Variants in PLCB1 observed in about 807,000 individuals in gnomAD.
PLCB1 encodes the protein phospholipase C beta 1.
A neutral mutation model predicts 161.8 loss-of-function variants in PLCB1; 46 were observed. The ratio of observed to expected loss-of-function variants is 0.28; its 90% CI spans 0.22 to 0.36. The LOEUF is 0.36. PLCB1 is among the 10% of genes least tolerant of loss of function. PLCB1 has a pLI of 1.00. For missense variants in PLCB1, 1,016 were observed against 1,472.5 expected, an observed-to-expected ratio of 0.69 and a Z score of 5.07; for synonymous variants, 517 against 503.7, an observed-to-expected ratio of 1.03 and a Z score of -0.35.
chr20:8,788,293 T>G (rs1190523471), intron 27 of PLCB1, among the ~76,000 whole-genome samples, 156 bp from the exon 28 acceptor site: 2 of 152,242 alleles, frequency 1.3e-5, no homozygotes, highest in African/African-American at 4.8e-5. Context: ...GGTTCTAAAT[T>G]GTCCTCATTG....
intron 9 of PLCB1, among the ~76,000 whole-genome samples, chr20:8,673,164 T>G (rs1342164367): frequency 6.6e-6 from 1 of 151,216 alleles, no homozygotes; most frequent in Non-Finnish European, 1.5e-5. Context: ...AAAGTCACAT[T>G]CATGAACTCA....
intron 3 of PLCB1, among the ~76,000 whole-genome samples, chr20:8,422,883 T>A (rs1308099263): frequency 6.6e-6 from 1 of 152,188 alleles, no homozygotes; most frequent in Non-Finnish European, 1.5e-5. Context: ...CACATGTGAT[T>A]TGACCTTTCT....
chr20:8,765,039 G>T lies in PLCB1; in HGVS notation c.2711-100G>T, dbSNP rs78664923. The T allele has an allele frequency of 4.5e-6, 4 of 889,852 alleles. No individual in the cohort carries two copies. The Admixed American group carries it at 8.0e-5, about 18-fold the overall frequency. 55.1% of individuals were successfully genotyped at this position (889,852 alleles called of 1,614,324 possible). On this transcript the variant is annotated intron_variant, in intron 25 of 31. Coordinates refer to ENST00000338037, the MANE Select transcript of PLCB1 (RefSeq NM_015192.4). ...AAGCTTTGCTCTTAAACTCTAGCTG[G>T]GCAAGATCAACCATTTCTTCCTAAG...
chr20:8,275,892 T>C (rs764734889), intron 2 of PLCB1, among the ~76,000 whole-genome samples: 1 of 151,978 alleles, frequency 6.6e-6, no homozygotes, highest in Non-Finnish European at 1.5e-5. Context: ...TTTGTCAGTG[T>C]CAAGGGTATT....
chr20:8,682,709 ATGT>A (rs1186732676), intron 9 of PLCB1, among the ~76,000 whole-genome samples: 1 of 152,200 alleles, frequency 6.6e-6, no homozygotes, highest in African/African-American at 2.4e-5. Flanking sequence ...GAATTGTTAA[ATGT>A]TGTCATTTTA....
At chr20:8,283,172 A>G (rs1982955824) in intron 2 of PLCB1, among the ~76,000 whole-genome samples, 1 of 152,210 alleles carries the variant, frequency 6.6e-6, no homozygotes, top group Non-Finnish European at 1.5e-5. Flanking sequence ...TTTAAAATTC[A>G]TTAGTCTGTG....
At chr20:8,273,201 A>G (rs1982369833) in intron 2 of PLCB1, among the ~76,000 whole-genome samples, 1 of 152,182 alleles carries the variant, frequency 6.6e-6, no homozygotes, top group Non-Finnish European at 1.5e-5. Context: ...TTAACAAGGA[A>G]GTTGGCGAGT....
rs1035079941 is a variant in PLCB1, at chr20:8,433,687, C to T, written c.246+62237C>T. 8.9e-5 allele frequency among the ~76,000 whole-genome samples: 13 copies of T among 146,402 alleles called. 1 individual carries two copies. The highest frequency in any genetic ancestry group is 3.9e-4 in the East Asian group (2 of 5,160). ...CATAGAGTTAATGTTCAGTAAATGA[C>T]GAGTGTATCCTTCTCCTCTTCCTCC... On this transcript the variant is annotated intron_variant, in intron 3 of 31. Transcript: ENST00000338037.
chr20:8,872,331 T>C (rs1987636815), intron 31 of PLCB1, among the ~76,000 whole-genome samples: 1 of 152,236 alleles, frequency 6.6e-6, no homozygotes, highest in Non-Finnish European at 1.5e-5. Context: ...TCCAGTTTAC[T>C]TCTGTTTACA....
intron 2 of PLCB1, among the ~76,000 whole-genome samples, chr20:8,339,081 G>T (rs892716231): frequency 6.6e-6 from 1 of 152,148 alleles, no homozygotes; most frequent in African/African-American, 2.4e-5. Flanking sequence ...CCAGTTGTAA[G>T]CTATGATGAG....
At chr20:8,376,493 G>A (rs1484570416) in intron 3 of PLCB1, among the ~76,000 whole-genome samples, 1 of 152,092 alleles carries the variant, frequency 6.6e-6, no homozygotes, top group African/African-American at 2.4e-5. Context: ...AATGACAGAA[G>A]TCATTGAGTG....
chr20:8,708,657 T>A lies in PLCB1; in HGVS notation c.1168-13T>A, dbSNP rs749960323. ...TTCTGGCATACTGAATATACATGTG[T>A]TCTCATTTTTAGGAAGTGATAGAAG... On this transcript the variant is annotated splice_polypyrimidine_tract_variant and intron_variant, in intron 11 of 31. Coordinates refer to ENST00000338037, the MANE Select transcript of PLCB1 (RefSeq NM_015192.4). 1.3e-6 allele frequency: 2 copies of A among 1,569,534 alleles called. No individual in the cohort carries two copies. The highest frequency in any genetic ancestry group is 2.7e-5 in the African/African-American group (2 of 74,198).
intron 2 of PLCB1, among the ~76,000 whole-genome samples, chr20:8,162,127 T>A (rs1185551777): frequency 1.3e-5 from 2 of 152,174 alleles, no homozygotes; most frequent in African/African-American, 4.8e-5. Context: ...TCGATGAAAA[T>A]TTTTTTAACT....
intron 31 of PLCB1, among the ~76,000 whole-genome samples, chr20:8,820,230 A>G (rs932947337): frequency 6.7e-6 from 1 of 148,442 alleles, no homozygotes; most frequent in Non-Finnish European, 1.5e-5. Flanking sequence ...TATATACTCT[A>G]TATTATAGTA....
At chr20:8,875,431 T>C (rs1409324505) in intron 31 of PLCB1, among the ~76,000 whole-genome samples, 3 of 147,538 alleles carry the variant, frequency 2.0e-5, no homozygotes, top group Admixed American at 6.8e-5. Flanking sequence ...ATACATAATA[T>C]AAATATTAAT....
intron 2 of PLCB1, among the ~76,000 whole-genome samples, chr20:8,291,314 A>C (rs1983372633): frequency 6.6e-6 from 1 of 152,130 alleles, no homozygotes; most frequent in Non-Finnish European, 1.5e-5. Context: ...GCCACCTCCC[A>C]GGCCCAGCTG....
intron 4 of PLCB1, among the ~76,000 whole-genome samples, chr20:8,637,917 G>A (rs559579388): frequency 1.3e-5 from 2 of 152,272 alleles, no homozygotes; most frequent in African/African-American, 2.4e-5. Flanking sequence ...TTTTTGAGAC[G>A]GAGTCTCGCT....
Position 8,796,565 on chromosome 20 carries a change from T to C in PLCB1, c.3423+6304T>C, listed in dbSNP as rs373228912. Among the ~76,000 whole-genome samples, 6 of 152,378 alleles carry C rather than the reference T, an allele frequency of 3.9e-5. No homozygotes were observed. The East Asian group carries it at 9.6e-4, about 24-fold the overall frequency. ...ACTGGCTGCTTATAGACAGTGTTTCTGCTCATTGTCAAGTCTCAATTAACC... is the reference window on the plus strand; with the variant it reads ...ACTGGCTGCTTATAGACAGTGTTTCCGCTCATTGTCAAGTCTCAATTAACC... On this transcript the variant is annotated intron_variant, in intron 31 of 31. Transcript: ENST00000338037.
At chr20:8,533,013 C>G (rs569830740) in intron 3 of PLCB1, among the ~76,000 whole-genome samples, 18 of 147,162 alleles carry the variant, frequency 1.2e-4, no homozygotes, top group African/African-American at 4.3e-4. Context: ...TCCCTCCCCC[C>G]TCCCCCTACC....
Sources: gnomAD v4.1 joint callset for allele counts (sites outside exome capture counted in the v4.1 genomes callset) on GRCh38, gnomAD v4.1.1 for gene constraint, MANE v1.5 for transcripts, NCBI Gene and HGNC (gene_info 2026-07-23, HGNC 2026-07-21) for gene names.